The following MYH15 variants were observed in gnomAD, a reference collection of about 807,000 sequenced individuals.
MYH15 encodes the protein myosin heavy chain 15, also known as myosin-15.
A neutral mutation model predicts 240.5 loss-of-function variants in MYH15; 227 were observed. The observed-to-expected ratio is 0.94, with a 90% CI of 0.85 to 1.05. MYH15 has a LOEUF of 1.05. Ranked by LOEUF, MYH15 falls within the 50% of genes least tolerant of loss-of-function variation. The pLI is 0.00. For synonymous variants in MYH15, 785 were observed against 796.7 expected (o/e 0.99, Z 0.25); for missense variants, 2,217 against 2,247.5 (o/e 0.99, Z 0.27).
intron 1 of MYH15, among the ~76,000 whole-genome samples, chr3:108,521,670 A>T (rs1032823398): frequency 6.6e-6 from 1 of 152,186 alleles, no homozygotes; most frequent in Non-Finnish European, 1.5e-5. Flanking sequence ...TCTAATTGAG[A>T]TGATCTTTGT....
chr3:108,524,122 G>A (rs2083646837), intron 1 of MYH15, among the ~76,000 whole-genome samples: 1 of 151,996 alleles, frequency 6.6e-6, no homozygotes, highest in African/African-American at 2.4e-5. Flanking sequence ...AATAGATATT[G>A]CCAGATTGTT....
In MYH15 at chr3:108,493,022, A is replaced by AAAGGAAGGAAGGAAGGAAGGAAGGAAGG; in HGVS notation, c.775+91_775+92insCCTTCCTTCCTTCCTTCCTTCCTTCCTT. 8 of 682,390 alleles carry AAAGGAAGGAAGGAAGGAAGGAAGGAAGG rather than the reference A, an allele frequency of 1.2e-5. No homozygotes were observed. The South Asian group carries it at 1.3e-4, about 11-fold the overall frequency. 42.3% of individuals were successfully genotyped at this position (682,390 alleles called of 1,614,324 possible). Reference sequence around the variant, plus strand: ...GAGAAAAGGAAAGAAAGAAAGAAGAAAAGGAAGGAAGGAAGGAAGGAAGGA... The same window carrying AAAGGAAGGAAGGAAGGAAGGAAGGAAGG: ...GAGAAAAGGAAAGAAAGAAAGAAGAAAAGGAAGGAAGGAAGGAAGGAAGGAAGGAAGGAAGGAAGGAAGGAAGGAAGGA... On this transcript the variant is annotated intron_variant, in intron 8 of 40. Coordinates refer to ENST00000693548, the MANE Select transcript of MYH15 (RefSeq NM_014981.3).
At chr3:108,486,400 C>T in intron 10 of MYH15, 23 bp downstream of exon 10, 1 of 1,574,416 alleles carries the variant, frequency 6.4e-7, no homozygotes, top group East Asian at 2.3e-5. Context: ...CCAGATTTTG[C>T]TTTGACAACT....
At chr3:108,443,358 T>C (rs1056065467) in intron 22 of MYH15, among the ~76,000 whole-genome samples, 1 of 152,142 alleles carries the variant, frequency 6.6e-6, no homozygotes, top group African/African-American at 2.4e-5. Context: ...TATTAAAAAG[T>C]AATAATAATA....
chr3:108,495,190 G>T (rs2083381204), intron 7 of MYH15, among the ~76,000 whole-genome samples: 1 of 152,218 alleles, frequency 6.6e-6, no homozygotes, highest in African/African-American at 2.4e-5. Flanking sequence ...CCCTGCCACT[G>T]ATTCTTGGCA....
chr3:108,475,995 G>A (rs2083217290), intron 12 of MYH15, among the ~76,000 whole-genome samples: 1 of 152,084 alleles, frequency 6.6e-6, no homozygotes, highest in Non-Finnish European at 1.5e-5. Context: ...CTCAACTAAC[G>A]TGTCACCATG....
the MYH15 span, among the ~76,000 whole-genome samples, chr3:108,541,578 T>C: frequency 5.3e-5 from 8 of 152,240 alleles, no homozygotes; most frequent in Non-Finnish European, 1.2e-4. Context: ...TGAAAAAGTT[T>C]GTTAACACCA....
the MYH15 span, among the ~76,000 whole-genome samples, chr3:108,540,932 C>T: frequency 6.6e-6 from 1 of 151,880 alleles, no homozygotes; most frequent in South Asian, 2.1e-4. Flanking sequence ...TATGTATATT[C>T]ATATATTTTA....
chr3:108,545,047 C>A, the MYH15 span, among the ~76,000 whole-genome samples: 4 of 152,132 alleles, frequency 2.6e-5, no homozygotes, highest in Non-Finnish European at 4.4e-5. Flanking sequence ...TGTACAACCT[C>A]ACAATGAATT....
At chr3:108,498,785 G>A (rs1349866569) in intron 5 of MYH15, among the ~76,000 whole-genome samples, 1 of 152,152 alleles carries the variant, frequency 6.6e-6, no homozygotes, top group East Asian at 1.9e-4. Context: ...GATCCCTCTT[G>A]GGATAACTGA....
rs780285367 is a variant in MYH15, at chr3:108,495,901, G to C, written c.619-29C>G. On this transcript the variant is annotated intron_variant, in intron 6 of 40. Transcript: ENST00000693548. ...AGACACATGCAAGAGAAGTACAGCT[G>C]ATGAAACTATTAGTAGAATTCTGTA... The C allele has an allele frequency of 3.9e-6, 6 of 1,527,410 alleles. No homozygotes were observed. In the Admixed American group the frequency reaches 1.1e-4, roughly 27 times the overall value. 94.6% of individuals were successfully genotyped at this position (1,527,410 alleles called of 1,614,324 possible).
chr3:108,403,459 C>T (rs2082523089), intron 33 of MYH15, among the ~76,000 whole-genome samples: 1 of 150,606 alleles, frequency 6.6e-6, no homozygotes, highest in South Asian at 2.1e-4. Context: ...TATAACTTCC[C>T]TGGCTTATCG....
chr3:108,512,442 T>C (rs151026175), upstream of MYH15, among the ~76,000 whole-genome samples: 7 of 152,210 alleles, frequency 4.6e-5, no homozygotes, highest in African/African-American at 1.7e-4. Context: ...TTTGTCTGGG[T>C]CCTCCTCCTC....
chr3:108,510,604 G>C (rs752927664), upstream of MYH15: 1 of 1,546,738 alleles, frequency 6.5e-7, no homozygotes, highest in Non-Finnish European at 8.8e-7. Context: ...AAAAAAAATT[G>C]ATACAGAGAA....
intron 27 of MYH15, among the ~76,000 whole-genome samples, chr3:108,423,518 A>G (rs1207442336): frequency 6.6e-6 from 1 of 152,236 alleles, no homozygotes; most frequent in African/African-American, 2.4e-5. Context: ...CCTAACTAGA[A>G]GAAAGCTATA....
rs1164517981 is a variant in MYH15, at chr3:108,464,503, T to G, written c.1731+135A>C. ...TGCTAAAAGGCTACACTACCTTTTT[T>G]GTGGAACTGAGATGTATTTTGTTCT... On this transcript the variant is annotated intron_variant, in intron 15 of 40. Coordinates refer to ENST00000693548, the MANE Select transcript of MYH15 (RefSeq NM_014981.3). 8 of 915,090 alleles carry G rather than the reference T, an allele frequency of 8.7e-6. No individual in the cohort carries two copies. The East Asian group carries it at 1.3e-4, about 15-fold the overall frequency. The allele number at this position is 915,090 out of a possible 1,614,324, so 56.7% of individuals were successfully genotyped here.
chr3:108,539,413 ATGTGT>A, the MYH15 span, among the ~76,000 whole-genome samples: 5 of 152,242 alleles, frequency 3.3e-5, no homozygotes, highest in South Asian at 2.1e-4. Flanking sequence ...ATGGGAAAAC[ATGTGT>A]TGTGCACTTT....
the MYH15 span, among the ~76,000 whole-genome samples, chr3:108,537,838 A>T: frequency 0.019 from 2,962 of 152,310 alleles, 108 homozygotes; most frequent in African/African-American, 0.068. Flanking sequence ...AAATGGGAAG[A>T]AAATAATACA....
rs918380527 is a variant in MYH15 at position 108,404,715 on chromosome 3, A to G, written c.4736+623T>C. ...ACTCAGCTGCTTTAACAAGGATTCA[A>G]TAAGCAGCTTAGCTCTTGGCTTCTG... On this transcript the variant is annotated intron_variant, in intron 33 of 40. Coordinates refer to ENST00000693548, the MANE Select transcript of MYH15 (RefSeq NM_014981.3). 2.6e-5 allele frequency among the ~76,000 whole-genome samples: 4 copies of G among 152,242 alleles called. No individual in the cohort carries two copies. In the East Asian group the frequency reaches 7.7e-4, roughly 29 times the overall value.
Sources: allele counts gnomAD v4.1 joint callset (sites outside exome capture counted in the v4.1 genomes callset), GRCh38; gene constraint gnomAD v4.1.1; transcripts MANE v1.5; gene names NCBI Gene and HGNC (gene_info 2026-07-23, HGNC 2026-07-21).